The following ENAH variants were observed in gnomAD, a reference collection of about 807,000 sequenced individuals.
ENAH encodes protein enabled homolog.
ENAH carries 23 observed loss-of-function variants against 78.7 expected under a neutral mutation model. The ratio of observed to expected loss-of-function variants is 0.29; its 90% confidence interval spans 0.21 to 0.41. ENAH has a LOEUF of 0.41. ENAH is among the 10% of genes least tolerant of loss of function. ENAH has a pLI of 1.00. For missense variants in ENAH, 544 were observed against 691.0 expected (o/e 0.79, Z 2.39); for synonymous variants, 226 against 241.0 (o/e 0.94, Z 0.58).
chr1:225,610,504 AT>A (rs2096982512), intron 1 of ENAH, among the ~76,000 whole-genome samples: 1 of 152,152 alleles, frequency 6.6e-6, no homozygotes, highest in Admixed American at 6.5e-5. Context: ...AGTAAAAAAA[AT>A]TCTTTTTTTT....
At chr1:225,629,845 A>C (rs1212137450) in intron 1 of ENAH, among the ~76,000 whole-genome samples, 1 of 152,212 alleles carries the variant, frequency 6.6e-6, no homozygotes, top group Non-Finnish European at 1.5e-5. Context: ...GAAGATCATA[A>C]ATTTAGAGAA....
intron 3 of ENAH, among the ~76,000 whole-genome samples, chr1:225,537,741 G>A (rs1227874920): frequency 7.0e-6 from 1 of 142,100 alleles, no homozygotes; most frequent in African/African-American, 2.6e-5. Context: ...TTTTTTCACG[G>A]CTGTCCCTTT....
intron 2 of ENAH, among the ~76,000 whole-genome samples, chr1:225,563,793 TATC>T (rs1178945602): frequency 6.6e-6 from 1 of 152,208 alleles, no homozygotes; most frequent in Non-Finnish European, 1.5e-5. Flanking sequence ...CCTTATAAAA[TATC>T]ATTCTCTACA....
At chr1:225,592,325 G>A (rs2096880897) in intron 1 of ENAH, among the ~76,000 whole-genome samples, 1 of 152,174 alleles carries the variant, frequency 6.6e-6, no homozygotes, top group South Asian at 2.1e-4. Flanking sequence ...CTGCCAGTCT[G>A]ATATGTGGGG....
intron 1 of ENAH, 66 bp from the exon 2 acceptor site, chr1:225,567,480 C>A: frequency 1.4e-6 from 2 of 1,480,194 alleles, no homozygotes; most frequent in Non-Finnish European, 9.1e-7. Flanking sequence ...TTCCACATAG[C>A]CACACAAACC....
chr1:225,542,365 A>C (rs776488396), intron 3 of ENAH, among the ~76,000 whole-genome samples: 3 of 152,250 alleles, frequency 2.0e-5, no homozygotes, highest in Non-Finnish European at 4.4e-5. Flanking sequence ...ACTTTCCAGG[A>C]GGAATCAAAC....
chr1:225,510,453 A>G (rs1463618187), intron 10 of ENAH, among the ~76,000 whole-genome samples: 1 of 152,180 alleles, frequency 6.6e-6, no homozygotes, highest in Non-Finnish European at 1.5e-5. Flanking sequence ...TACTAATGAG[A>G]GTACATACAA....
upstream of ENAH, among the ~76,000 whole-genome samples, chr1:225,653,464 C>G (rs1052717049): frequency 6.7e-6 from 1 of 148,168 alleles, no homozygotes; most frequent in Non-Finnish European, 1.5e-5. This position sits in a 1 kb window ranked among gnomAD's most constrained non-coding sequence, Gnocchi z 4.3. Flanking sequence ...CGGGGTTCCT[C>G]GCCCGTGGTT....
In ENAH at chr1:225,517,264, C is replaced by A. The variant is rs1463946119; in HGVS notation, c.845G>T (p.Gly282Val). The change falls in exon 6 of 14, where the codon GGA (glycine) becomes GTA (valine). Residue 282 changes from glycine (G) to valine (V), a missense_variant. Around this residue, in one of 4 missense-constraint regions of ENAH, gnomAD observed 366 missense variants for 396.1 expected, o/e 0.92. Transcript: ENST00000366843. ...SVETPLNSVL[G>V]DSSASEPGLQ... ...GCCTGGCTCAGAAGCAGAAGAGTCT[C>A]CCAGCACAGAGTTTAGAGGAGTCTC... The A allele has an allele frequency of 1.3e-6, 2 of 1,551,506 alleles. No individual in the cohort carries two copies. The highest frequency in any genetic ancestry group is 1.7e-6 in the Non-Finnish European group (2 of 1,147,082).
chr1:225,529,491 C>T (rs747179981), intron 4 of ENAH, among the ~76,000 whole-genome samples: 19 of 152,132 alleles, frequency 1.2e-4, no homozygotes, highest in Non-Finnish European at 1.9e-4. Context: ...CTTCCCTCTG[C>T]CCCTTCACAA....
intron 1 of ENAH, among the ~76,000 whole-genome samples, chr1:225,570,736 T>C (rs1355634599): frequency 2.0e-5 from 3 of 151,388 alleles, no homozygotes; most frequent in African/African-American, 7.3e-5. Flanking sequence ...GGCGGGCAGA[T>C]CACCTAAGGT....
intron 1 of ENAH, chr1:225,652,403 C>G (rs960111114): frequency 1.0e-6 from 1 of 985,222 alleles, no homozygotes; most frequent in African/African-American, 1.7e-5. Context: ...GGGAGGGAGC[C>G]AGGCGCAAAT....
At chr1:225,639,206 G>A (rs1463943309) in intron 1 of ENAH, among the ~76,000 whole-genome samples, 5 of 152,288 alleles carry the variant, frequency 3.3e-5, no homozygotes, top group Admixed American at 3.3e-4. Context: ...ACTGGGAAGG[G>A]GCATGAGGGA....
chr1:225,553,711 T>C (rs1022481966), intron 3 of ENAH, among the ~76,000 whole-genome samples: 1 of 152,136 alleles, frequency 6.6e-6, no homozygotes, highest in Non-Finnish European at 1.5e-5. Flanking sequence ...CTTAGAGAAA[T>C]GACCTACATA....
At chr1:225,560,042 A>ACAC (rs1012155893) in intron 2 of ENAH, among the ~76,000 whole-genome samples, 111 of 152,314 alleles carry the variant, frequency 7.3e-4, no homozygotes, top group African/African-American at 2.7e-3. Flanking sequence ...GCCAAAGGAG[A>ACAC]CACCGAGTCA....
intron 4 of ENAH, among the ~76,000 whole-genome samples, chr1:225,528,067 TTC>T (rs1319202700): frequency 2.0e-5 from 3 of 152,182 alleles, no homozygotes; most frequent in African/African-American, 4.8e-5. Flanking sequence ...AATATATACT[TTC>T]TGTCTTATAC....
intron 1 of ENAH, among the ~76,000 whole-genome samples, chr1:225,605,985 A>C (rs183754868): frequency 9.1e-4 from 139 of 152,270 alleles, no homozygotes; most frequent in African/African-American, 2.9e-3. Flanking sequence ...CTACTACAAC[A>C]CTCTTACCTA....
At chr1:225,573,421 TA>T (rs1322383026) in intron 1 of ENAH, among the ~76,000 whole-genome samples, 1 of 152,124 alleles carries the variant, frequency 6.6e-6, no homozygotes, top group Admixed American at 6.5e-5. Flanking sequence ...GAGTATTCAT[TA>T]ATCTCTCAAC....
intron 3 of ENAH, among the ~76,000 whole-genome samples, chr1:225,543,762 T>C (rs1288899266): frequency 2.0e-5 from 3 of 152,368 alleles, no homozygotes; most frequent in South Asian, 2.1e-4. Context: ...TAGAACAGCA[T>C]CTACCCCTTA....
Sources: allele counts gnomAD v4.1 joint callset (sites outside exome capture counted in the v4.1 genomes callset), GRCh38; gene constraint gnomAD v4.1.1; regional missense constraint gnomAD v4.1.1; non-coding constraint Gnocchi (gnomAD v3.1); transcripts MANE v1.5; gene names NCBI Gene and HGNC (gene_info 2026-07-23, HGNC 2026-07-21).